The following SGCE variants were observed in gnomAD, a reference collection of about 807,000 sequenced individuals.
SGCE encodes sarcoglycan epsilon.
Under a neutral mutation model 57.8 loss-of-function variants are expected in SGCE, and 26 were observed. The ratio of observed to expected loss-of-function variants is 0.45; its 90% CI spans 0.33 to 0.62. The LOEUF (loss-of-function observed/expected upper bound fraction) is 0.62. Ranked by LOEUF, SGCE falls within the 20% of genes least tolerant of loss-of-function variation. The probability of loss-of-function intolerance (pLI) is 0.02; values close to 1 mark genes in which losing one functional copy is unlikely to be tolerated. For synonymous variants in SGCE, 183 were observed against 189.5 expected (o/e 0.97, Z 0.28); for missense variants, 468 against 548.6 (o/e 0.85, Z 1.47).
chr7:94,639,170 C>G (rs897036479), intron 1 of SGCE, among the ~76,000 whole-genome samples: 1 of 152,030 alleles, frequency 6.6e-6, no homozygotes, highest in Non-Finnish European at 1.5e-5. Context: ...TAAGAACACA[C>G]GGGATCTAAA....
intron 5 of SGCE, among the ~76,000 whole-genome samples, chr7:94,609,435 G>A (rs1471594591): frequency 6.6e-6 from 1 of 152,192 alleles, no homozygotes; most frequent in Non-Finnish European, 1.5e-5. Flanking sequence ...GGGAGGCTGA[G>A]GCATGAGAAT....
intron 9 of SGCE, among the ~76,000 whole-genome samples, chr7:94,594,233 C>T (rs113567196): frequency 1.3e-5 from 2 of 152,006 alleles, no homozygotes; most frequent in Non-Finnish European, 2.9e-5. Flanking sequence ...ATTCTTTGGG[C>T]AAAGTCAATT....
chr7:94,618,695 G>A, intron 5 of SGCE, 63 bp downstream of exon 5: 1 of 1,387,294 alleles, frequency 7.2e-7, no homozygotes, highest in South Asian at 1.2e-5. Flanking sequence ...TCTATAATAA[G>A]TTTGATAAGA....
intron 1 of SGCE, among the ~76,000 whole-genome samples, chr7:94,642,875 A>G (rs1196384898): frequency 1.3e-5 from 2 of 152,210 alleles, no homozygotes; most frequent in Non-Finnish European, 2.9e-5. Flanking sequence ...ACTTTCACAT[A>G]TACTGTCTAA....
chr7:94,651,334 C>T lies in SGCE; in HGVS notation c.109+4656G>A, dbSNP rs552152054. Among the ~76,000 whole-genome samples the T allele has an allele frequency of 7.4e-4, 112 of 152,332 alleles. 2 individuals are homozygous for T. In the South Asian group the frequency reaches 0.023, roughly 31 times the overall value. ...AATCCATGGATTTTAAAGCAAGCCT[C>T]TTAGATCTTCATCAAAGTCATTCGT... On this transcript the variant is annotated intron_variant, in intron 1 of 10. Transcript: ENST00000648936.
chr7:94,600,962 G>C, intron 6 of SGCE, 105 bp from the exon 7 acceptor site: 2 of 969,270 alleles, frequency 2.1e-6, no homozygotes, highest in Non-Finnish European at 3.2e-6. Context: ...TATCTAAAAA[G>C]CCATCTTTTC....
chr7:94,593,744 T>A (rs952054322), intron 9 of SGCE, among the ~76,000 whole-genome samples: 4 of 152,084 alleles, frequency 2.6e-5, no homozygotes, highest in Non-Finnish European at 5.9e-5. Flanking sequence ...CTAGACAATG[T>A]GCATGGACTG....
At position 94,600,790 on chromosome 7, in the gene SGCE, C is replaced by T. The variant is rs749932459; in HGVS notation, c.893G>A (p.Gly298Asp). 1.9e-6 allele frequency: 3 copies of T among 1,613,484 alleles called. No individual in the cohort carries two copies. The highest frequency in any genetic ancestry group is 2.5e-6 in the Non-Finnish European group (3 of 1,179,804). ...ATCAGAAGGGGGTTTGTATTCTCCA[C>T]CATCAGGTAAAATCCCCTCTCCACG... The part of the protein sequence containing the change: ...VIRGEGILPD[G>D]GEYKPPSDSL... The change falls in exon 7 of 11, where the codon GGT becomes GAT. Residue 298 changes from glycine (G) to aspartate (D), a missense_variant. By Grantham distance (94) the Gly-to-Asp change is moderately conservative (BLOSUM62 -1). Transcript: ENST00000648936.
At chr7:94,616,432 GTATGAA>G (rs1801946782) in intron 5 of SGCE, among the ~76,000 whole-genome samples, 1 of 152,154 alleles carries the variant, frequency 6.6e-6, no homozygotes, top group African/African-American at 2.4e-5. Flanking sequence ...CTTCTGAAGT[GTATGAA>G]TATATTTTTA....
At chr7:94,601,172 C>T (rs1799161337) in intron 6 of SGCE, among the ~76,000 whole-genome samples, 1 of 151,966 alleles carries the variant, frequency 6.6e-6, no homozygotes, top group Non-Finnish European at 1.5e-5. Context: ...TCCTCTAAAG[C>T]AGTAGTCCTT....
intron 5 of SGCE, among the ~76,000 whole-genome samples, chr7:94,609,998 T>C (rs1800753604): frequency 6.6e-6 from 1 of 152,070 alleles, no homozygotes; most frequent in African/African-American, 2.4e-5. Flanking sequence ...CCGTGGTACA[T>C]CCAGAAAATG....
chr7:94,654,034 T>C (rs955170614), intron 1 of SGCE, among the ~76,000 whole-genome samples: 1 of 152,118 alleles, frequency 6.6e-6, no homozygotes, highest in East Asian at 1.9e-4. Flanking sequence ...ATTTATTGTA[T>C]AGCTACCTAT....
chr7:94,588,609 ATAAAT>A, intron 10 of SGCE, 75 bp downstream of exon 10: 1 of 1,554,734 alleles, frequency 6.4e-7, no homozygotes, highest in Non-Finnish European at 8.8e-7. Context: ...ATAAAGCTTC[ATAAAT>A]TATATAGTGC....
chr7:94,643,251 C>T (rs2117056893), intron 1 of SGCE, among the ~76,000 whole-genome samples: 1 of 152,284 alleles, frequency 6.6e-6, no homozygotes, highest in South Asian at 2.1e-4. Context: ...CCTACTAACC[C>T]AGCATAAGAT....
intron 5 of SGCE, among the ~76,000 whole-genome samples, chr7:94,606,543 ATCTC>A (rs763338622): frequency 5.3e-5 from 8 of 152,364 alleles, no homozygotes; most frequent in Middle Eastern, 3.4e-3. Context: ...ACATTTCAAC[ATCTC>A]TCTATCAGAA....
rs1369197091 is a variant in SGCE, at chr7:94,655,970, G to A, written c.109+20C>T. ...GGCCTGTTGGCCCCGGGACCTCCACGTCGCGCGCAGGCCACTAACCTGTCA... is the reference window on the plus strand; with the variant it reads ...GGCCTGTTGGCCCCGGGACCTCCACATCGCGCGCAGGCCACTAACCTGTCA... On this transcript the variant is annotated intron_variant, in intron 1 of 10. Transcript: ENST00000648936. The A allele has an allele frequency of 4.6e-6, 7 of 1,523,198 alleles. No homozygotes were observed. Among genetic ancestry groups the A allele is most frequent in the Non-Finnish European group, 6.4e-6 (7 of 1,098,312 alleles). 94.4% of individuals were successfully genotyped at this position (1,523,198 alleles called of 1,614,324 possible).
chr7:94,586,996 T>G (rs1796996351), intron 10 of SGCE: 1 of 984,092 alleles, frequency 1.0e-6, no homozygotes, highest in Admixed American at 6.2e-5. Flanking sequence ...TGCAGAAAAA[T>G]GTAAGAAAAC....
At chr7:94,635,092 A>G (rs560576868) in intron 1 of SGCE, among the ~76,000 whole-genome samples, 1 of 152,310 alleles carries the variant, frequency 6.6e-6, no homozygotes, top group Admixed American at 6.5e-5. Flanking sequence ...ATAAGCAATT[A>G]AAGTCTATTT....
intron 1 of SGCE, among the ~76,000 whole-genome samples, chr7:94,645,333 C>T (rs1320711202): frequency 6.6e-6 from 1 of 152,150 alleles, no homozygotes; most frequent in Non-Finnish European, 1.5e-5. Flanking sequence ...TATGCTACTA[C>T]TGTGCAGTGG....
Sources: allele counts gnomAD v4.1 joint callset (sites outside exome capture counted in the v4.1 genomes callset), GRCh38; gene constraint gnomAD v4.1.1; transcripts MANE v1.5; gene names NCBI Gene and HGNC (gene_info 2026-07-23, HGNC 2026-07-21).